PDZRN4: variants seen among roughly 807,000 people sequenced by gnomAD.
The protein encoded by PDZRN4 is PDZ domain containing ring finger 4, also known as PDZ domain-containing RING finger protein 4.
Under a neutral mutation model 99.0 loss-of-function variants are expected in PDZRN4, and 70 were observed. The observed-to-expected ratio is 0.71, with a 90% CI of 0.58 to 0.86. The LOEUF (loss-of-function observed/expected upper bound fraction) is 0.86. Among genes scored for constraint, PDZRN4 ranks in the 40% least tolerant of loss-of-function variants. PDZRN4 has a pLI of 0.00. For missense variants in PDZRN4, 1,474 were observed against 1,331.2 expected (o/e 1.11, Z -1.67); for synonymous variants, 551 against 501.6 (o/e 1.10, Z -1.32).
At chr12:41,477,972 G>T in intron 3 of PDZRN4, 1 of 1,149,084 alleles carries the variant, frequency 8.7e-7, no homozygotes, top group South Asian at 1.3e-5. Flanking sequence ...GCTTATCAGT[G>T]AGCGAATTAA....
chr12:41,432,381 T>C (rs555911884), intron 3 of PDZRN4, among the ~76,000 whole-genome samples: 2 of 152,360 alleles, frequency 1.3e-5, no homozygotes, highest in East Asian at 1.9e-4. Context: ...TATTCTTTAA[T>C]ATTCTTGAAG....
At chr12:41,249,849 A>G (rs913986432) in intron 3 of PDZRN4, among the ~76,000 whole-genome samples, 1 of 152,176 alleles carries the variant, frequency 6.6e-6, no homozygotes, top group East Asian at 1.9e-4. Flanking sequence ...ATAGGTATAG[A>G]GTTTGGATTT....
At chr12:41,224,286 A>T (rs1269369619) in intron 3 of PDZRN4, among the ~76,000 whole-genome samples, 2 of 152,212 alleles carry the variant, frequency 1.3e-5, no homozygotes, top group African/African-American at 4.8e-5. Context: ...CAGAGAGATT[A>T]TGTTACTTGC....
chr12:41,368,396 G>C (rs1952017514), intron 3 of PDZRN4, among the ~76,000 whole-genome samples: 1 of 152,088 alleles, frequency 6.6e-6, no homozygotes, highest in Non-Finnish European at 1.5e-5. Context: ...AATAGTGCCA[G>C]AGAATAAATA....
chr12:41,530,278 CTTGT>C (rs1185347631), intron 5 of PDZRN4, among the ~76,000 whole-genome samples: 1 of 152,152 alleles, frequency 6.6e-6, no homozygotes, highest in Non-Finnish European at 1.5e-5. Flanking sequence ...TTATTATTAT[CTTGT>C]TTATCTTTAT....
chr12:41,377,555 T>A (rs1243846309), intron 3 of PDZRN4, among the ~76,000 whole-genome samples: 1 of 152,012 alleles, frequency 6.6e-6, no homozygotes, highest in Non-Finnish European at 1.5e-5. Context: ...GTCCAGCTAC[T>A]CGGGAGGCTG....
chr12:41,261,241 C>T (rs1951237615), intron 3 of PDZRN4, among the ~76,000 whole-genome samples: 1 of 151,680 alleles, frequency 6.6e-6, no homozygotes, highest in Admixed American at 6.6e-5. Context: ...TTTCGAAAAA[C>T]GTATTCAGAA....
At chr12:41,444,636 A>G (rs920744631) in intron 3 of PDZRN4, among the ~76,000 whole-genome samples, 8 of 152,180 alleles carry the variant, frequency 5.3e-5, no homozygotes, top group African/African-American at 1.9e-4. Flanking sequence ...CAAAAACTTT[A>G]GATATGACAG....
At chr12:41,210,691 G>A (rs1950882531) in intron 3 of PDZRN4, among the ~76,000 whole-genome samples, 1 of 151,912 alleles carries the variant, frequency 6.6e-6, no homozygotes, top group African/African-American at 2.4e-5. Flanking sequence ...AGAAATCTTG[G>A]AAATTTTGAA....
At chr12:41,209,270 A>G (rs1950871157) in intron 3 of PDZRN4, among the ~76,000 whole-genome samples, 2 of 151,942 alleles carry the variant, frequency 1.3e-5, no homozygotes, top group South Asian at 4.1e-4. Context: ...ACGACATCTG[A>G]AAATTAGGCA....
chr12:41,553,195 A>C (rs934095888), intron 6 of PDZRN4, among the ~76,000 whole-genome samples: 3 of 152,208 alleles, frequency 2.0e-5, no homozygotes, highest in African/African-American at 7.2e-5. Context: ...GATACAGTTG[A>C]ATACCCAATG....
intron 3 of PDZRN4, among the ~76,000 whole-genome samples, chr12:41,229,741 G>A (rs187348319): frequency 1.8e-4 from 28 of 152,112 alleles, no homozygotes; most frequent in African/African-American, 5.5e-4. Context: ...AATGCTTAGG[G>A]CTTGGGTCCT....
chr12:41,407,471 T>A (rs571847734), intron 3 of PDZRN4, among the ~76,000 whole-genome samples: 14 of 152,176 alleles, frequency 9.2e-5, no homozygotes, highest in Non-Finnish European at 1.6e-4. Flanking sequence ...CTATCATCTG[T>A]CATTCAATAA....
Position 41,573,797 on chromosome 12 carries a change from C to T in PDZRN4, c.3018C>T (p.Asn1006=). The T allele has an allele frequency of 6.2e-7, 1 of 1,613,558 alleles. No individual in the cohort carries two copies. The change falls in exon 10 of 10, where the codon AAC becomes AAT. Residue 1006 remains asparagine (N), a synonymous_variant. Transcript: ENST00000402685. The part of the protein sequence containing the change: ...MKKRNKKILD[N]WMTIQELMTH... The stretch of plus-strand genomic sequence containing the variant: ...AGAGAAACAAGAAAATTTTGGACAA[C>T]TGGATGACAATCCAAGAACTGATGA...
chr12:41,310,984 G>C (rs1951602898), intron 3 of PDZRN4, among the ~76,000 whole-genome samples: 1 of 151,990 alleles, frequency 6.6e-6, no homozygotes, highest in African/African-American at 2.4e-5. Context: ...TGTAAATTAG[G>C]TCTCCTGCTA....
chr12:41,383,619 T>A (rs1197371597), intron 3 of PDZRN4, among the ~76,000 whole-genome samples: 4 of 152,208 alleles, frequency 2.6e-5, no homozygotes, highest in Non-Finnish European at 5.9e-5. Context: ...TAACATGGAT[T>A]CATAACTCTG....
intron 5 of PDZRN4, among the ~76,000 whole-genome samples, chr12:41,516,632 C>T (rs750955350): frequency 3.9e-5 from 6 of 151,952 alleles, no homozygotes; most frequent in Admixed American, 6.6e-5. Flanking sequence ...ACCACAAATG[C>T]GTAAGCTGGT....
intron 3 of PDZRN4, among the ~76,000 whole-genome samples, chr12:41,416,066 C>G (rs1428475871): frequency 6.6e-6 from 1 of 152,086 alleles, no homozygotes. Context: ...AATATTTCCT[C>G]TGAGATTGAC....
intron 3 of PDZRN4, among the ~76,000 whole-genome samples, chr12:41,297,324 A>G (rs1951502799): frequency 6.6e-6 from 1 of 152,194 alleles, no homozygotes; most frequent in South Asian, 2.1e-4. Context: ...ATAACATTGG[A>G]CTAAAATAAA....
Sources: allele counts gnomAD v4.1 joint callset (sites outside exome capture counted in the v4.1 genomes callset), GRCh38; gene constraint gnomAD v4.1.1; transcripts MANE v1.5; gene names NCBI Gene and HGNC (gene_info 2026-07-23, HGNC 2026-07-21).